ZNF274: variants seen among roughly 807,000 people sequenced by gnomAD.
ZNF274 encodes the protein neurotrophin receptor-interacting factor homolog.
Under a neutral mutation model 42.5 loss-of-function variants are expected in ZNF274, and 23 were observed. The observed-to-expected ratio is 0.54, with a 90% confidence interval of 0.39 to 0.77. ZNF274 has a LOEUF of 0.77. Among genes scored for constraint, ZNF274 ranks in the 30% least tolerant of loss-of-function variants. The pLI is 0.00. For synonymous variants in ZNF274, 292 were observed against 305.4 expected (o/e 0.96, Z 0.46); for missense variants, 679 against 806.5 (o/e 0.84, Z 1.91).
chr19:58,209,865 G>A, intron 5 of ZNF274, 96 bp from the exon 6 acceptor site: 1 of 714,672 alleles, frequency 1.4e-6, no homozygotes, highest in Non-Finnish European at 2.4e-6. Flanking sequence ...TACGATGCAG[G>A]GGTGCGGTGG....
intron 4 of ZNF274, among the ~76,000 whole-genome samples, chr19:58,205,535 A>G (rs560949979): frequency 5.3e-5 from 8 of 152,270 alleles, no homozygotes; most frequent in South Asian, 2.1e-4. Flanking sequence ...GGGTCTCACT[A>G]TGTTGCCCAG....
At position 58,207,339 on chromosome 19, in the gene ZNF274, T is replaced by C; in HGVS notation, c.739+137T>C. ...GCTCCATACAGACCAAGGACATCCA[T>C]GTTGCCCACGTGTTCCTGAGTCAGA... On this transcript the variant is annotated intron_variant, in intron 5 of 7. Transcript: ENST00000617501. This position sits in a 1 kb window ranked among gnomAD's most constrained non-coding sequence, Gnocchi z 5.6. The C allele has an allele frequency of 2.9e-6, 4 of 1,360,566 alleles. No homozygotes were observed. The highest frequency in any genetic ancestry group is 1.5e-5 in the South Asian group (1 of 64,888). The allele number at this position is 1,360,566 out of a possible 1,614,324, so 84.3% of individuals were successfully genotyped here.
At chr19:58,193,719 A>C (rs2075805678) in intron 4 of ZNF274, among the ~76,000 whole-genome samples, 2 of 151,952 alleles carry the variant, frequency 1.3e-5, no homozygotes, top group South Asian at 4.2e-4. Flanking sequence ...TGAACTAAGG[A>C]GTTCAAGACC....
intron 4 of ZNF274, among the ~76,000 whole-genome samples, chr19:58,190,608 G>A (rs2075768500): frequency 6.6e-6 from 1 of 152,172 alleles, no homozygotes. Context: ...TCTCCTTTGA[G>A]CAGTTAACAT....
rs2076046399 is a variant in ZNF274 at position 58,212,031 on chromosome 19, CAGGTTGCATGACTCTATTTGGG to C, written c.980-127_980-106del. 3.6e-6 allele frequency: 4 copies of C among 1,115,504 alleles called. No individual in the cohort carries two copies. In the African/African-American group the frequency reaches 6.3e-5, roughly 17 times the overall value. The allele number at this position is 1,115,504 out of a possible 1,614,324, so 69.1% of individuals were successfully genotyped here. A position where few individuals can be genotyped will look rare whatever the true frequency, so the allele number is the denominator to read the frequency against. On this transcript the variant is annotated intron_variant, in intron 7 of 7. Coordinates refer to ENST00000617501, the MANE Select transcript of ZNF274 (RefSeq NM_133502.3). The surrounding 1 kb of genome is among the most constrained non-coding windows in gnomAD (Gnocchi z 4.6). ...GCTTCATTGCTTTTCAGTCTCTCTCCAGGTTGCATGACTCTATTTGGGAGAAAAAAAAAATCCTGACTTTTGA... is the reference window on the plus strand; with the variant it reads ...GCTTCATTGCTTTTCAGTCTCTCTCCAGAAAAAAAAAATCCTGACTTTTGA...
At position 58,213,061 on chromosome 19, in the gene ZNF274, C is replaced by G; in HGVS notation, c.1880C>G (p.Ala627Gly). Residue 627 changes from alanine (A) to glycine (G), a missense_variant, in exon 8 of 8, where the codon GCC (alanine) becomes GGC (glycine). Ala to Gly is a moderately conservative substitution (Grantham distance 60). Around this residue, in one of 2 missense-constraint regions of ZNF274, gnomAD observed 456 missense variants for 590.1 expected, o/e 0.77. Transcript: ENST00000617501. ...RPYACNKCGKAFTQSSHLIGH... is the reference protein window; with the variant it reads ...RPYACNKCGKGFTQSSHLIGH... ...TATGCATGCAACAAATGTGGAAAGG[C>G]CTTCACCCAGAGCTCACACCTTATT... The G allele has an allele frequency of 6.2e-7, 1 of 1,614,082 alleles. No homozygotes were observed. Among genetic ancestry groups the G allele is most frequent in the Non-Finnish European group, 8.5e-7 (1 of 1,179,956 alleles).
chr19:58,193,876 T>C (rs2075807178), intron 4 of ZNF274, among the ~76,000 whole-genome samples: 1 of 151,902 alleles, frequency 6.6e-6, no homozygotes, highest in African/African-American at 2.4e-5. Flanking sequence ...CATTGAGCTG[T>C]GATTGTACCA....
chr19:58,188,696 A>ATATGTATATGTG (rs1189748259), intron 4 of ZNF274, among the ~76,000 whole-genome samples: 9 of 46,346 alleles, frequency 1.9e-4, no homozygotes, highest in African/African-American at 5.6e-4. Context: ...ATGTATATGT[A>ATATGTATATGTG]TATATATATA....
In ZNF274 at chr19:58,212,084, A is replaced by G. The variant is rs1301050593; in HGVS notation, c.980-77A>G. ...AAAAAAATCCTGACTTTTGAACTTA[A>G]TTATGCATTTCATGCTCTCAGACCC... On this transcript the variant is annotated intron_variant, in intron 7 of 7. Coordinates refer to ENST00000617501, the MANE Select transcript of ZNF274 (RefSeq NM_133502.3). The surrounding 1 kb of genome is among the most constrained non-coding windows in gnomAD (Gnocchi z 4.6). 1 of 1,488,356 alleles carries G rather than the reference A, an allele frequency of 6.7e-7. No individual in the cohort carries two copies. The highest frequency in any genetic ancestry group is 1.4e-5 in the African/African-American group (1 of 71,196). 92.2% of individuals were successfully genotyped at this position (1,488,356 alleles called of 1,614,324 possible).
intron 4 of ZNF274, among the ~76,000 whole-genome samples, chr19:58,203,982 C>G (rs1471341128): frequency 1.3e-5 from 2 of 152,196 alleles, no homozygotes; most frequent in African/African-American, 4.8e-5. Flanking sequence ...CAGATCCCAG[C>G]GCGGAGCTGA....
intron 4 of ZNF274, among the ~76,000 whole-genome samples, chr19:58,200,409 A>G (rs1243645438): frequency 1.3e-5 from 2 of 152,220 alleles, no homozygotes; most frequent in Admixed American, 6.5e-5. Context: ...AAATTAATGA[A>G]TCAGATATTT....
At chr19:58,198,864 G>A (rs2075875061) in intron 4 of ZNF274, among the ~76,000 whole-genome samples, 1 of 143,790 alleles carries the variant, frequency 7.0e-6, no homozygotes, top group Non-Finnish European at 1.5e-5. Flanking sequence ...GTACTGCCCT[G>A]AGCAGTGGAG....
In ZNF274 at chr19:58,186,841, A is replaced by T. The variant is rs555843092; in HGVS notation, c.161-106A>T. On this transcript the variant is annotated intron_variant, in intron 3 of 7. Transcript: ENST00000617501. ...TGTTCACTGCTCTAGGCCAGAAGTC[A>T]TGTGCCTTAGCAGGGGAGAAGCTGG... 196 of 907,318 alleles carry T rather than the reference A, an allele frequency of 2.2e-4. 1 individual carries two copies. In the African/African-American group the frequency reaches 2.9e-3, roughly 13 times the overall value. 56.2% of individuals were successfully genotyped at this position (907,318 alleles called of 1,614,324 possible). A position where few individuals can be genotyped will look rare whatever the true frequency, so the allele number is the denominator to read the frequency against.
intron 6 of ZNF274, chr19:58,210,926 G>A (rs1371213833): frequency 1.3e-5 from 2 of 152,364 alleles, no homozygotes; most frequent in African/African-American, 4.8e-5. Flanking sequence ...ATGTTGGCCA[G>A]GCTGGTCTCG....
rs780029166 is a variant in ZNF274, at chr19:58,187,053, G to A, written c.256+11G>A. ...AAGACACCATTCCAGGTGAGAACCA[G>A]ACATGGGAAGCCCCCACAGGGAAGG... On this transcript the variant is annotated intron_variant, in intron 4 of 7. Coordinates refer to ENST00000617501, the MANE Select transcript of ZNF274 (RefSeq NM_133502.3). 1.9e-6 allele frequency: 3 copies of A among 1,606,164 alleles called. No individual in the cohort carries two copies.
chr19:58,209,012 C>G (rs1041625998), intron 5 of ZNF274: 1 of 152,350 alleles, frequency 6.6e-6, no homozygotes, highest in East Asian at 1.9e-4. Flanking sequence ...TGCTGCAAAG[C>G]CTTGCACAGA....
chr19:58,203,606 G>A (rs961018591), intron 4 of ZNF274, among the ~76,000 whole-genome samples: 1 of 150,578 alleles, frequency 6.6e-6, no homozygotes, highest in African/African-American at 2.4e-5. Flanking sequence ...AGAAAAAAAC[G>A]CTGTAATTGA....
At chr19:58,188,616 A>ATATAT (rs2075730378) in intron 4 of ZNF274, among the ~76,000 whole-genome samples, 13 of 60,696 alleles carry the variant, frequency 2.1e-4, no homozygotes, top group African/African-American at 1.0e-3. Context: ...AAAAAAAAAA[A>ATATAT]AAAAATATAT....
chr19:58,208,078 A>G lies in ZNF274; in HGVS notation c.739+876A>G, dbSNP rs2075998843. The G allele has an allele frequency of 6.6e-6, 1 of 152,382 alleles. No individual in the cohort carries two copies. Among genetic ancestry groups the G allele is most frequent in the Middle Eastern group, 3.4e-3 (1 of 294 alleles). 9.4% of individuals were successfully genotyped at this position (152,382 alleles called of 1,614,324 possible). On this transcript the variant is annotated intron_variant, in intron 5 of 7. Coordinates refer to ENST00000617501, the MANE Select transcript of ZNF274 (RefSeq NM_133502.3). The surrounding 1 kb of genome is among the most constrained non-coding windows in gnomAD (Gnocchi z 4.5). ...ACGTGTGGAGTGTGTATTTGGGAAT[A>G]AGACTGCAAGACTTGGTTTCTTCAT...
Sources: gnomAD v4.1 joint callset for allele counts (sites outside exome capture counted in the v4.1 genomes callset) on GRCh38, gnomAD v4.1.1 for gene constraint, gnomAD v4.1.1 regional missense constraint, Gnocchi (gnomAD v3.1) non-coding constraint, MANE v1.5 for transcripts, NCBI Gene and HGNC (gene_info 2026-07-23, HGNC 2026-07-21) for gene names.